The following IKBKB-DT variants were observed in gnomAD, a reference collection of about 807,000 sequenced individuals.
The protein encoded by IKBKB-DT is IKBKB divergent transcript.
chr8:42,237,179 C>T (rs1197091331), intron 3 of IKBKB-DT, among the ~76,000 whole-genome samples: 5 of 152,124 alleles, frequency 3.3e-5, no homozygotes, highest in East Asian at 1.9e-4. Context: ...CTCCGCCTCC[C>T]GGGTTCAAGC....
intron 3 of IKBKB-DT, among the ~76,000 whole-genome samples, chr8:42,236,189 T>TG (rs1806919731): frequency 6.6e-6 from 1 of 151,778 alleles, no homozygotes; most frequent in Non-Finnish European, 1.5e-5. Context: ...TATTTAGAGA[T>TG]GGGGTCTTGC....
intron 3 of IKBKB-DT, among the ~76,000 whole-genome samples, chr8:42,258,731 G>A (rs1448270606): frequency 1.3e-5 from 2 of 152,136 alleles, no homozygotes; most frequent in Non-Finnish European, 2.9e-5. Context: ...GCCTCCCAAA[G>A]TGCTGGAATT....
chr8:42,268,160 G>A (rs889938053), intron 1 of IKBKB-DT, among the ~76,000 whole-genome samples: 2 of 141,814 alleles, frequency 1.4e-5, no homozygotes, highest in Non-Finnish European at 3.0e-5. Flanking sequence ...TTTAGATGGA[G>A]TTTTGCTCTT....
chr8:42,251,746 A>G (rs918344208), intron 3 of IKBKB-DT, among the ~76,000 whole-genome samples: 6 of 151,044 alleles, frequency 4.0e-5, no homozygotes, highest in Non-Finnish European at 7.4e-5. Context: ...CAGGAGAATC[A>G]CTTGAACCTG....
chr8:42,243,420 ATAAT>A (rs1050925339), intron 3 of IKBKB-DT, among the ~76,000 whole-genome samples: 13 of 152,240 alleles, frequency 8.5e-5, no homozygotes, highest in African/African-American at 1.4e-4. Flanking sequence ...AGAGAAAAAA[ATAAT>A]TAAACTATTT....
chr8:42,265,961 G>A (rs942599057), exon 2 of IKBKB-DT, among the ~76,000 whole-genome samples: 1 of 152,132 alleles, frequency 6.6e-6, no homozygotes, highest in Non-Finnish European at 1.5e-5. Flanking sequence ...TCTGCAGCCA[G>A]CTCTGCATGG....
chr8:42,258,579 C>T (rs370145601), intron 3 of IKBKB-DT, among the ~76,000 whole-genome samples: 9 of 152,030 alleles, frequency 5.9e-5, no homozygotes, highest in Admixed American at 2.0e-4. Flanking sequence ...CGCCATTCTC[C>T]TGCCTCAGCC....
Position 42,253,034 on chromosome 8 carries a change from C to T in IKBKB-DT, n.1529+10295G>A, listed in dbSNP as rs188870942. Reference sequence around the variant, plus strand: ...TCTATTAACAAAGCTAGATCTTTTTCTTCCAGGCCCTTCCAATCCTGAAGA... The same window carrying T: ...TCTATTAACAAAGCTAGATCTTTTTTTTCCAGGCCCTTCCAATCCTGAAGA... On this transcript the variant is annotated intron_variant and non_coding_transcript_variant, in intron 3 of 3. Transcript: ENST00000518213. Among the ~76,000 whole-genome samples, 236 of 152,286 alleles carry T rather than the reference C, an allele frequency of 1.5e-3. 8 individuals carry two copies. The East Asian group carries it at 0.037, about 24-fold the overall frequency.
intron 3 of IKBKB-DT, among the ~76,000 whole-genome samples, chr8:42,240,241 G>A (rs1327742117): frequency 1.4e-5 from 2 of 147,846 alleles, no homozygotes; most frequent in Non-Finnish European, 3.0e-5. Context: ...TTTTTTTGAG[G>A]AATCACTTTG....
chr8:42,246,722 C>T lies in IKBKB-DT; in HGVS notation n.1530-12863G>A, dbSNP rs117627999. On this transcript the variant is annotated intron_variant and non_coding_transcript_variant, in intron 3 of 3. Coordinates refer to ENST00000518213, the Ensembl canonical transcript of IKBKB-DT. The stretch of plus-strand genomic sequence containing the variant: ...CAGCTTTTCTACCCTTTGACTATCC[C>T]TACATGGCAATTTCAAGTTTTCTAA... 4.0e-3 allele frequency among the ~76,000 whole-genome samples: 602 copies of T among 152,276 alleles called. 23 individuals carry two copies. In the East Asian group the frequency reaches 0.098, roughly 25 times the overall value.
At chr8:42,247,136 C>T (rs1807074343) in intron 3 of IKBKB-DT, among the ~76,000 whole-genome samples, 1 of 152,184 alleles carries the variant, frequency 6.6e-6, no homozygotes, top group Non-Finnish European at 1.5e-5. Context: ...ACGCCACAAA[C>T]ACTCAATGCC....
At chr8:42,260,240 A>C (rs150489374) in intron 3 of IKBKB-DT, among the ~76,000 whole-genome samples, 112 of 152,312 alleles carry the variant, frequency 7.4e-4, no homozygotes, top group Middle Eastern at 3.4e-3. Context: ...GTTTCAAGCG[A>C]TGGAGACATT....
chr8:42,245,769 C>T (rs1807055766), intron 3 of IKBKB-DT, among the ~76,000 whole-genome samples: 1 of 152,164 alleles, frequency 6.6e-6, no homozygotes, highest in African/African-American at 2.4e-5. Flanking sequence ...AGCAGTTGGG[C>T]AAGAACTATT....
chr8:42,258,907 C>G (rs1465607075), intron 3 of IKBKB-DT, among the ~76,000 whole-genome samples: 2 of 152,162 alleles, frequency 1.3e-5, no homozygotes, highest in Non-Finnish European at 2.9e-5. Flanking sequence ...CTAGTTTTCA[C>G]TAGAAATTAA....
intron 3 of IKBKB-DT, among the ~76,000 whole-genome samples, chr8:42,250,971 A>AG (rs1213567764): frequency 1.3e-5 from 2 of 152,186 alleles, no homozygotes; most frequent in African/African-American, 4.8e-5. Flanking sequence ...AGTGGCTCAC[A>AG]CCTGTAATCC....
chr8:42,270,005 G>T (rs998263143), intron 1 of IKBKB-DT, among the ~76,000 whole-genome samples: 2 of 152,188 alleles, frequency 1.3e-5, no homozygotes, highest in Non-Finnish European at 2.9e-5. Context: ...AGAGGAAATA[G>T]GTTCTCACAG....
intron 3 of IKBKB-DT, among the ~76,000 whole-genome samples, chr8:42,252,865 A>G (rs1807145980): frequency 6.6e-6 from 1 of 152,250 alleles, no homozygotes; most frequent in Non-Finnish European, 1.5e-5. Context: ...ATGTATTGTG[A>G]CGTACTTTCC....
At chr8:42,238,120 G>A (rs1806948850) in intron 3 of IKBKB-DT, among the ~76,000 whole-genome samples, 1 of 151,164 alleles carries the variant, frequency 6.6e-6, no homozygotes, top group Non-Finnish European at 1.5e-5. Context: ...AGAACAAATG[G>A]GGAGCAGTAA....
At chr8:42,249,629 T>C (rs1217808614) in intron 3 of IKBKB-DT, among the ~76,000 whole-genome samples, 1 of 152,108 alleles carries the variant, frequency 6.6e-6, no homozygotes, top group African/African-American at 2.4e-5. Flanking sequence ...ATGCAGAGGC[T>C]AGTGCAGATC....
Sources: gnomAD v4.1 joint callset for allele counts (sites outside exome capture counted in the v4.1 genomes callset) on GRCh38, gnomAD v4.1.1 for gene constraint, MANE v1.5 for transcripts, NCBI Gene and HGNC (gene_info 2026-07-23, HGNC 2026-07-21) for gene names.